USP8: variants seen among roughly 807,000 people sequenced by gnomAD.
The protein encoded by USP8 is ubiquitin specific peptidase 8, also known as ubiquitin carboxyl-terminal hydrolase 8.
In USP8, 27 loss-of-function variants were observed where a neutral mutation model predicts 130.0. The ratio of observed to expected loss-of-function variants is 0.21; its 90% confidence interval spans 0.15 to 0.29. The LOEUF (loss-of-function observed/expected upper bound fraction) is 0.29, where lower values mean the gene tolerates loss of function less well. Among genes scored for constraint, USP8 ranks in the 10% least tolerant of loss-of-function variants. The pLI, the probability that USP8 is intolerant of heterozygous loss-of-function variation, is 1.00. For missense variants in USP8, 1,029 were observed against 1,312.2 expected (o/e 0.78, Z 3.33); for synonymous variants, 392 against 444.1 (o/e 0.88, Z 1.48).
At position 50,459,004 on chromosome 15, in the gene USP8, G is replaced by A; in HGVS notation, c.340G>A (p.Glu114Lys). The A allele has an allele frequency of 6.2e-7, 1 of 1,612,764 alleles. No homozygotes were observed. The highest frequency in any genetic ancestry group is 8.5e-7 in the Non-Finnish European group (1 of 1,179,950). The change falls in exon 5 of 20, where the codon GAA (glutamate) becomes AAA (lysine). Residue 114 changes from glutamate (E) to lysine (K), a missense_variant. Around this residue, in one of 4 missense-constraint regions of USP8, gnomAD observed 281 missense variants for 336.7 expected, o/e 0.83. Transcript: ENST00000307179. ...TTGACTTATTTTTTCAACTAGATAT[G>A]AAGAAGCTGAAGTCCGGAAAAAACT... ...RLSESLKLRY[E>K]EAEVRKKLEE...
rs1297565735 is a variant in USP8, at chr15:50,513,873, G to A, written c.*14785G>A. 7 of 152,118 alleles carry A rather than the reference G, an allele frequency of 4.6e-5. No homozygotes were observed. Among genetic ancestry groups the A allele is most frequent in the African/African-American group, 1.7e-4 (7 of 41,422 alleles). 9.4% of individuals were successfully genotyped at this position (152,118 alleles called of 1,614,324 possible). A position where few individuals can be genotyped will look rare whatever the true frequency, so the allele number is the denominator to read the frequency against. On this transcript the variant is annotated 3_prime_UTR_variant, in exon 20 of 20. Coordinates refer to ENST00000307179, the MANE Select transcript of USP8 (RefSeq NM_005154.5). ...AAGCTACTGAGCAGTATGTACTAAA[G>A]CCAGACATATGCGTATTTCTGAACC...
Position 50,513,508 on chromosome 15 carries a change from C to T in USP8, c.*14420C>T, listed in dbSNP as rs1252294713. On this transcript the variant is annotated 3_prime_UTR_variant, in exon 20 of 20. Transcript: ENST00000307179. ...TGAGGTCATGAGTTCGAGACAAGAG[C>T]GAAACTGTCTAAAAAAAAAAAAAAA... is the stretch of plus-strand genomic sequence containing the variant. 7 of 113,070 alleles carry T rather than the reference C, an allele frequency of 6.2e-5. No homozygotes were observed. The East Asian group carries it at 1.6e-3, about 26-fold the overall frequency. 7.0% of individuals were successfully genotyped at this position (113,070 alleles called of 1,614,324 possible).
intron 15 of USP8, chr15:50,493,838 C>G (rs935840486): frequency 7.5e-6 from 5 of 667,894 alleles, no homozygotes; most frequent in Non-Finnish European, 1.4e-5. Context: ...GAACTGGAGC[C>G]TGTTGATGAT....
At chr15:50,461,477 G>C (rs903340081) in intron 5 of USP8, among the ~76,000 whole-genome samples, 2 of 126,976 alleles carry the variant, frequency 1.6e-5, no homozygotes, top group Non-Finnish European at 3.5e-5. Context: ...AAAAAAAAAA[G>C]GTCTAAGTGG....
chr15:50,460,449 C>G (rs550293590), intron 5 of USP8, among the ~76,000 whole-genome samples: 61 of 151,300 alleles, frequency 4.0e-4, no homozygotes, highest in African/African-American at 1.4e-3. Flanking sequence ...GCTGGGATTA[C>G]AGGCACCCAC....
rs1196395355 is a variant in USP8 at position 50,507,278 on chromosome 15, G to C, written c.*8190G>C. 1.3e-5 allele frequency: 2 copies of C among 152,436 alleles called. No homozygotes were observed. The highest frequency in any genetic ancestry group is 2.9e-5 in the Non-Finnish European group (2 of 68,268). The allele number at this position is 152,436 out of a possible 1,614,324, so 9.4% of individuals were successfully genotyped here. ...AGCCTGGGGCACAGAGTGAGACTCT[G>C]TCTCTAAAACAAAACAACAACAACA... On this transcript the variant is annotated 3_prime_UTR_variant, in exon 20 of 20. Coordinates refer to ENST00000307179, the MANE Select transcript of USP8 (RefSeq NM_005154.5).
intron 19 of USP8, 79 bp from the exon 20 acceptor site, chr15:50,498,824 T>C: frequency 6.5e-7 from 1 of 1,549,684 alleles, no homozygotes; most frequent in South Asian, 1.2e-5. Flanking sequence ...AAGAACAACA[T>C]AAAGCTTTGA....
intron 3 of USP8, among the ~76,000 whole-genome samples, chr15:50,444,406 G>T (rs1051607911): frequency 6.6e-4 from 96 of 144,952 alleles, no homozygotes; most frequent in South Asian, 4.3e-3. Context: ...TGCCCAACCA[G>T]TTTTTTTTTT....
chr15:50,471,285 G>A (rs927350460), intron 7 of USP8, among the ~76,000 whole-genome samples: 1 of 152,110 alleles, frequency 6.6e-6, no homozygotes, highest in African/African-American at 2.4e-5. Flanking sequence ...TACTACCCAG[G>A]TGATTCCCCA....
intron 10 of USP8, among the ~76,000 whole-genome samples, chr15:50,480,450 A>G (rs2051724116): frequency 6.6e-6 from 1 of 152,194 alleles, no homozygotes; most frequent in Non-Finnish European, 1.5e-5. Context: ...TAGTTATTTG[A>G]TCAGAATTCC....
chr15:50,487,424 C>T (rs2052006336), intron 12 of USP8, among the ~76,000 whole-genome samples: 1 of 151,994 alleles, frequency 6.6e-6, no homozygotes, highest in Admixed American at 6.6e-5. Flanking sequence ...TCCTTCTGTT[C>T]CTTTTAAAGA....
At chr15:50,494,558 A>G (rs764369365) in intron 16 of USP8, among the ~76,000 whole-genome samples, 5 of 152,252 alleles carry the variant, frequency 3.3e-5, no homozygotes, top group Non-Finnish European at 7.3e-5. Flanking sequence ...GTAAAATCAT[A>G]AACAAATGAT....
intron 7 of USP8, among the ~76,000 whole-genome samples, chr15:50,469,015 A>G (rs1226542992): frequency 6.6e-6 from 1 of 151,980 alleles, no homozygotes; most frequent in Non-Finnish European, 1.5e-5. Context: ...CTGCTTTTGT[A>G]CTTTATATAA....
chr15:50,449,649 T>G (rs2050551860), intron 4 of USP8, among the ~76,000 whole-genome samples, 164 bp downstream of exon 4: 3 of 152,114 alleles, frequency 2.0e-5, no homozygotes, highest in African/African-American at 7.2e-5. Context: ...TGGCGCGATC[T>G]CGGCTCCCTG....
At chr15:50,479,328 A>G (rs1397536721) in intron 10 of USP8, among the ~76,000 whole-genome samples, 1 of 152,206 alleles carries the variant, frequency 6.6e-6, no homozygotes, top group African/African-American at 2.4e-5. Flanking sequence ...GACCAAAGGC[A>G]TAGGGCATGC....
intron 4 of USP8, among the ~76,000 whole-genome samples, chr15:50,455,598 A>G (rs2050766072): frequency 6.6e-6 from 1 of 152,070 alleles, no homozygotes; most frequent in African/African-American, 2.4e-5. Context: ...TTTTGGTACT[A>G]GTAACTTTGG....
At chr15:50,466,770 T>C (rs755285745) in intron 7 of USP8, 4 of 250,100 alleles carry the variant, frequency 1.6e-5, no homozygotes, top group Non-Finnish European at 2.4e-5. Flanking sequence ...AAAACACCCA[T>C]GGAGCCGGAG....
intron 6 of USP8, among the ~76,000 whole-genome samples, chr15:50,464,661 A>C (rs770052818): frequency 5.9e-5 from 9 of 152,212 alleles, no homozygotes; most frequent in Non-Finnish European, 1.2e-4. Context: ...GTTCCAGACC[A>C]GCCTAGTCAA....
intron 8 of USP8, among the ~76,000 whole-genome samples, chr15:50,472,934 AAGGCAGAAGAC>A (rs2051430449): frequency 6.6e-6 from 1 of 152,184 alleles, no homozygotes; most frequent in African/African-American, 2.4e-5. Flanking sequence ...AAAAGATTAC[AAGGCAGAAGAC>A]AGGCAGAAAT....
Sources: gnomAD v4.1 joint callset for allele counts (sites outside exome capture counted in the v4.1 genomes callset) on GRCh38, gnomAD v4.1.1 for gene constraint, gnomAD v4.1.1 regional missense constraint, MANE v1.5 for transcripts, NCBI Gene and HGNC (gene_info 2026-07-23, HGNC 2026-07-21) for gene names.